POMGNT2: variants seen among roughly 807,000 people sequenced by gnomAD.
The protein encoded by POMGNT2 is protein O-linked-mannose beta-1,4-N-acetylglucosaminyltransferase 2.
POMGNT2 carries 32 observed loss-of-function variants against 37.8 expected under a neutral mutation model. The observed-to-expected ratio is 0.85, with a 90% CI of 0.64 to 1.14. The LOEUF is 1.14. POMGNT2 is among the 50% of genes most tolerant of loss of function. The pLI, the probability that POMGNT2 is intolerant of heterozygous loss-of-function variation, is 0.00. For synonymous variants in POMGNT2, 340 were observed against 336.8 expected (o/e 1.01, Z -0.10); for missense variants, 705 against 780.6 (o/e 0.90, Z 1.15).
At chr3:43,103,542 C>G (rs1462376592) in intron 1 of POMGNT2, among the ~76,000 whole-genome samples, 1 of 152,178 alleles carries the variant, frequency 6.6e-6, no homozygotes, top group Non-Finnish European at 1.5e-5. Flanking sequence ...TGAACTCACT[C>G]AGGGACTGTC....
rs955809556 is a variant in POMGNT2, at chr3:43,080,200, T to C, written c.1232A>G (p.Gln411Arg). The C allele has an allele frequency of 6.2e-7, 1 of 1,613,998 alleles. No individual in the cohort carries two copies. The highest frequency in any genetic ancestry group is 8.5e-7 in the Non-Finnish European group (1 of 1,179,936). Reference protein sequence around the residue: ...TVTHPERPWDQGGITHLDRAE... With the variant: ...TVTHPERPWDRGGITHLDRAE... ...CCGGTCCAGATGGGTGATGCCCCCCTGATCCCAGGGCCGCTCAGGGTGTGT... is the reference window on the plus strand; with the variant it reads ...CCGGTCCAGATGGGTGATGCCCCCCCGATCCCAGGGCCGCTCAGGGTGTGT... The change falls in exon 2 of 2, where the codon CAG (glutamine) becomes CGG (arginine). Residue 411 changes from glutamine (Q) to arginine (R), a missense_variant. By Grantham distance (43) the Gln-to-Arg change is conservative (BLOSUM62 1). Transcript: ENST00000344697.
intron 1 of POMGNT2, among the ~76,000 whole-genome samples, chr3:43,088,925 G>A (rs1020046140): frequency 1.3e-5 from 2 of 152,210 alleles, no homozygotes; most frequent in African/African-American, 4.8e-5. Context: ...CAACTGGTAT[G>A]GAGGGAGAAC....
intron 1 of POMGNT2, 150 bp from the exon 2 acceptor site, chr3:43,081,686 G>A (rs1041452214): frequency 5.9e-6 from 3 of 505,858 alleles, no homozygotes; most frequent in African/African-American, 3.9e-5. Flanking sequence ...TGGTAGGCGT[G>A]GTAGATTAGA....
At chr3:43,104,822 C>T (rs957272062) in intron 1 of POMGNT2, among the ~76,000 whole-genome samples, 1 of 152,152 alleles carries the variant, frequency 6.6e-6, no homozygotes, top group African/African-American at 2.4e-5. Context: ...CTATTTCATC[C>T]CCACTGCAAC....
Position 43,080,419 on chromosome 3 carries a change from G to A in POMGNT2, c.1013C>T (p.Ala338Val). Reference sequence around the variant, plus strand: ...CCCATGCATGCTGACCAGCATGGAGGCATTGCTGACCAGCCGCACGACATC... The same window carrying A: ...CCCATGCATGCTGACCAGCATGGAGACATTGCTGACCAGCCGCACGACATC... ...FADVVRLVSN[A>V]SMLVSMHGAQ... is the part of the protein sequence containing the mutation. Residue 338 changes from alanine (A) to valine (V), a missense_variant, in exon 2 of 2, where the codon GCC (alanine) becomes GTC (valine). By Grantham distance (64) the Ala-to-Val change is moderately conservative. Transcript: ENST00000344697. The A allele has an allele frequency of 6.2e-7, 1 of 1,614,162 alleles. No homozygotes were observed. Among genetic ancestry groups the A allele is most frequent in the Non-Finnish European group, 8.5e-7 (1 of 1,180,008 alleles).
intron 1 of POMGNT2, among the ~76,000 whole-genome samples, chr3:43,101,874 A>C (rs1417102798): frequency 6.6e-6 from 1 of 152,110 alleles, no homozygotes; most frequent in Non-Finnish European, 1.5e-5. Flanking sequence ...AGTTGCCCCA[A>C]CCCATTCCTT....
At chr3:43,101,977 G>A (rs1222228425) in intron 1 of POMGNT2, among the ~76,000 whole-genome samples, 1 of 152,126 alleles carries the variant, frequency 6.6e-6, no homozygotes, top group Non-Finnish European at 1.5e-5. Flanking sequence ...ATGGAGTCTG[G>A]GTCTAAAGCA....
intron 1 of POMGNT2, among the ~76,000 whole-genome samples, chr3:43,101,293 G>A (rs1164368140): frequency 6.6e-6 from 1 of 152,202 alleles, no homozygotes; most frequent in East Asian, 1.9e-4. Flanking sequence ...AGCTCAGCAT[G>A]GTCAGTTGGA....
intron 1 of POMGNT2, among the ~76,000 whole-genome samples, chr3:43,092,421 C>T (rs999373804): frequency 6.6e-6 from 1 of 152,056 alleles, no homozygotes; most frequent in Non-Finnish European, 1.5e-5. Context: ...TCTCAGCCTC[C>T]CAAATAGCTA....
intron 1 of POMGNT2, among the ~76,000 whole-genome samples, chr3:43,100,037 G>A (rs1215306411): frequency 3.3e-5 from 5 of 152,096 alleles, no homozygotes; most frequent in East Asian, 1.9e-4. Context: ...CAGGGTCTGC[G>A]ATCTCCTTCT....
chr3:43,099,697 C>G (rs1305297232), intron 1 of POMGNT2, among the ~76,000 whole-genome samples: 1 of 151,898 alleles, frequency 6.6e-6, no homozygotes, highest in African/African-American at 2.4e-5. Flanking sequence ...ACTTGCAAAG[C>G]CTTCTGCAGG....
Position 43,080,978 on chromosome 3 carries a change from C to G in POMGNT2, c.454G>C (p.Val152Leu). 3 of 1,614,216 alleles carry G rather than the reference C, an allele frequency of 1.9e-6. No homozygotes were observed. The highest frequency in any genetic ancestry group is 2.5e-6 in the Non-Finnish European group (3 of 1,180,044). The change falls in exon 2 of 2, where the codon GTG (valine) becomes CTG (leucine). Residue 152 changes from valine (V) to leucine (L), a missense_variant. Physicochemically the swap from Val to Leu is conservative, Grantham distance 32. Transcript: ENST00000344697. The stretch of plus-strand genomic sequence containing the variant: ...TTGAAGCGGTTGGCGATGAGGGCCA[C>G]GTCTGGCACGAACACCGGCTTGGGC... ...FMPKPVFVPD[V>L]ALIANRFNPD...
In POMGNT2 at chr3:43,089,235, A is replaced by G. The variant is rs141816917; in HGVS notation, c.-105-7699T>C. 4.3e-3 allele frequency among the ~76,000 whole-genome samples: 660 copies of G among 152,338 alleles called. 4 individuals are homozygous for G. The highest frequency in any genetic ancestry group is 0.015 in the African/African-American group (620 of 41,588). ...GTGGGCTTCAGTGAGCCCTGCAGGC[A>G]GGAAGTACCAGACCCCTCCTGAGGA... On this transcript the variant is annotated intron_variant, in intron 1 of 1. Coordinates refer to ENST00000344697, the MANE Select transcript of POMGNT2 (RefSeq NM_032806.6).
chr3:43,087,932 C>T (rs1484031473), intron 1 of POMGNT2: 2 of 152,194 alleles, frequency 1.3e-5, no homozygotes, highest in African/African-American at 4.8e-5. Context: ...TCAGGCTCCT[C>T]ATCAATGAAA....
At chr3:43,101,248 A>C (rs539299552) in intron 1 of POMGNT2, among the ~76,000 whole-genome samples, 1 of 152,328 alleles carries the variant, frequency 6.6e-6, no homozygotes, top group South Asian at 2.1e-4. Flanking sequence ...AGGGACCTAG[A>C]GTAAGAACTG....
At position 43,080,592 on chromosome 3, in the gene POMGNT2, T is replaced by C; in HGVS notation, c.840A>G (p.Thr280=). ...FMTEKLNVSH[T]GVPLGEEYIL... ...TGTACTCCTCGCCTAGGGGGACTCCTGTGTGGCTCACGTTCAGCTTTTCTG... is the reference window on the plus strand; with the variant it reads ...TGTACTCCTCGCCTAGGGGGACTCCCGTGTGGCTCACGTTCAGCTTTTCTG... Residue 280 remains threonine (T), a synonymous_variant, in exon 2 of 2, where the codon ACA becomes ACG. Transcript: ENST00000344697. 1 of 1,614,226 alleles carries C rather than the reference T, an allele frequency of 6.2e-7. No homozygotes were observed. The highest frequency in any genetic ancestry group is 8.5e-7 in the Non-Finnish European group (1 of 1,180,028).
intron 1 of POMGNT2, among the ~76,000 whole-genome samples, chr3:43,103,450 A>ACCCAGCC (rs2090034215): frequency 6.6e-6 from 1 of 152,012 alleles, no homozygotes; most frequent in South Asian, 2.1e-4. Context: ...CTGCCCCCTC[A>ACCCAGCC]CCCAGCCCTG....
chr3:43,081,242 C>T lies in POMGNT2; in HGVS notation c.190G>A (p.Gly64Ser), dbSNP rs548769646. 2.8e-5 allele frequency: 45 copies of T among 1,613,744 alleles called. No homozygotes were observed. Among genetic ancestry groups the T allele is most frequent in the East Asian group, 6.7e-5 (3 of 44,864 alleles). Residue 64 changes from glycine (G) to serine (S), a missense_variant, in exon 2 of 2, where the codon GGC becomes AGC. Coordinates refer to ENST00000344697, the MANE Select transcript of POMGNT2 (RefSeq NM_032806.6). Reference sequence around the variant, plus strand: ...CGGCCCGTGCACACCATGTGTGTGCCGCCCTCCATCAGGATCTGCAGTGCC... The same window carrying T: ...CGGCCCGTGCACACCATGTGTGTGCTGCCCTCCATCAGGATCTGCAGTGCC... Reference protein sequence around the residue: ...PKALQILMEGGTHMVCTGRTH... With the variant: ...PKALQILMEGSTHMVCTGRTH...
intron 1 of POMGNT2, among the ~76,000 whole-genome samples, chr3:43,097,943 C>T (rs2089991598): frequency 6.6e-6 from 1 of 152,176 alleles, no homozygotes; most frequent in Admixed American, 6.5e-5. Flanking sequence ...ATGGCCTGTG[C>T]CCGGGTTCCC....
Sources: allele counts gnomAD v4.1 joint callset (sites outside exome capture counted in the v4.1 genomes callset), GRCh38; gene constraint gnomAD v4.1.1; transcripts MANE v1.5; gene names NCBI Gene and HGNC (gene_info 2026-07-23, HGNC 2026-07-21).